The following NAALADL2 variants were observed in gnomAD, a reference collection of about 807,000 sequenced individuals.
NAALADL2 encodes the protein inactive N-acetylated-alpha-linked acidic dipeptidase-like protein 2.
In NAALADL2, 76 loss-of-function variants were observed where a neutral mutation model predicts 87.2. The ratio of observed to expected loss-of-function variants is 0.87; its 90% CI spans 0.72 to 1.05. The LOEUF (loss-of-function observed/expected upper bound fraction) is 1.05. Among genes scored for constraint, NAALADL2 ranks in the 50% least tolerant of loss-of-function variants. The pLI is 0.00. For synonymous variants in NAALADL2, 354 were observed against 331.0 expected, an observed-to-expected ratio of 1.07 and a Z score of -0.75; for missense variants, 1,089 against 945.8, an observed-to-expected ratio of 1.15 and a Z score of -1.99.
chr3:175,132,768 G>T (rs868488005), intron 2 of NAALADL2, among the ~76,000 whole-genome samples: 5 of 150,460 alleles, frequency 3.3e-5, no homozygotes. Flanking sequence ...CGGACAGGGC[G>T]GCTCTCCTGG....
At chr3:175,770,628 T>TA (rs1749367033) in intron 13 of NAALADL2, among the ~76,000 whole-genome samples, 1 of 152,208 alleles carries the variant, frequency 6.6e-6, no homozygotes, top group African/African-American at 2.4e-5. Context: ...CTGGAAGGGA[T>TA]AGCCTTCAAA....
chr3:175,301,219 A>G (rs558130067), intron 4 of NAALADL2, among the ~76,000 whole-genome samples: 1 of 151,992 alleles, frequency 6.6e-6, no homozygotes, highest in Admixed American at 6.6e-5. Flanking sequence ...AGTGCTATAA[A>G]TCTCCCTCTG....
At chr3:174,852,720 A>T (rs1271362412) in intron 3 of NAALADL2, among the ~76,000 whole-genome samples, 2 of 152,136 alleles carry the variant, frequency 1.3e-5, no homozygotes, top group Non-Finnish European at 2.9e-5. Context: ...CAATCCTAAA[A>T]TTTATGTAGA....
chr3:175,777,717 C>G (rs1477723911), intron 13 of NAALADL2, among the ~76,000 whole-genome samples: 3 of 152,106 alleles, frequency 2.0e-5, no homozygotes, highest in Non-Finnish European at 4.4e-5. Context: ...GTTGGCAAAA[C>G]ATGAGTTGTT....
At chr3:175,072,693 T>TGGGGGGG (rs1266144070) in intron 1 of NAALADL2, among the ~76,000 whole-genome samples, 1 of 76,786 alleles carries the variant, frequency 1.3e-5, no homozygotes, top group African/African-American at 5.4e-5. Context: ...AAAAACGGGG[T>TGGGGGGG]GGGGGGAGGG....
At chr3:175,287,019 G>T (rs909373015) in intron 4 of NAALADL2, among the ~76,000 whole-genome samples, 2 of 152,018 alleles carry the variant, frequency 1.3e-5, no homozygotes, top group Non-Finnish European at 2.9e-5. Flanking sequence ...TGGAGTAGGA[G>T]GATCCCTTGA....
rs1458599872 is a variant in NAALADL2, at chr3:175,423,051, A to ATATATATATTTT, written c.1091-24177_1091-24176insATATATATTTTT. Among the ~76,000 whole-genome samples, 296 of 91,458 alleles carry ATATATATATTTT rather than the reference A, an allele frequency of 3.2e-3. 2 individuals are homozygous for ATATATATATTTT. The highest frequency in any genetic ancestry group is 4.9e-3 in the Non-Finnish European group (244 of 49,586). The allele number at this position is 91,458 out of a possible 152,430, so 60.0% of individuals were successfully genotyped here. A position where few individuals can be genotyped will look rare whatever the true frequency, so the allele number is the denominator to read the frequency against. On this transcript the variant is annotated intron_variant, in intron 5 of 13. Coordinates refer to ENST00000454872, the MANE Select transcript of NAALADL2 (RefSeq NM_207015.3). ...AAAATATATATATATATATATATAT[A>ATATATATATTTT]TTTTTTTTTTTTCCTGAGTTGTAGA...
intron 11 of NAALADL2, among the ~76,000 whole-genome samples, chr3:175,651,865 A>G (rs888333189): frequency 6.6e-5 from 10 of 152,258 alleles, no homozygotes; most frequent in Non-Finnish European, 1.3e-4. Context: ...CCATTTAAAA[A>G]TGCCTTGTAC....
intron 4 of NAALADL2, among the ~76,000 whole-genome samples, chr3:175,301,636 T>C (rs1004354023): frequency 6.0e-4 from 92 of 152,162 alleles, no homozygotes; most frequent in African/African-American, 2.2e-3. Context: ...AAATAATTAC[T>C]GAAATACAGA....
chr3:175,320,790 A>T (rs1037157756), intron 4 of NAALADL2, among the ~76,000 whole-genome samples: 1 of 152,038 alleles, frequency 6.6e-6, no homozygotes, highest in Non-Finnish European at 1.5e-5. Flanking sequence ...AACCAGGAAG[A>T]AGTTGAATCT....
intron 9 of NAALADL2, among the ~76,000 whole-genome samples, chr3:175,475,295 A>G (rs1359957264): frequency 1.3e-5 from 2 of 152,140 alleles, no homozygotes; most frequent in African/African-American, 4.8e-5. Context: ...GTGAAACACA[A>G]ATGCCTTCAT....
intron 2 of NAALADL2, among the ~76,000 whole-genome samples, chr3:175,175,508 G>T (rs16824453): frequency 6.6e-6 from 1 of 151,788 alleles, no homozygotes; most frequent in Non-Finnish European, 1.5e-5. Flanking sequence ...AAAATTTCCT[G>T]TTGTCCGTGT....
chr3:175,005,183 T>C (rs1649640918), intron 1 of NAALADL2, among the ~76,000 whole-genome samples: 1 of 152,068 alleles, frequency 6.6e-6, no homozygotes, highest in Admixed American at 6.6e-5. Flanking sequence ...TTCAGAAAAA[T>C]CCTATGGGAT....
chr3:175,404,602 A>T (rs1450403625), intron 5 of NAALADL2, among the ~76,000 whole-genome samples: 1 of 152,156 alleles, frequency 6.6e-6, no homozygotes, highest in African/African-American at 2.4e-5. Flanking sequence ...CAATAACTAG[A>T]TTTAAATTCT....
intron 6 of NAALADL2, among the ~76,000 whole-genome samples, chr3:175,448,298 A>T (rs1287337022): frequency 6.6e-6 from 1 of 152,226 alleles, no homozygotes; most frequent in Admixed American, 6.5e-5. Flanking sequence ...GGAGTGCAGA[A>T]GCACTCGAGG....
chr3:174,800,830 G>A (rs1172179883), intron 3 of NAALADL2, among the ~76,000 whole-genome samples: 3 of 152,210 alleles, frequency 2.0e-5, no homozygotes, highest in Admixed American at 2.0e-4. Flanking sequence ...TGACCTGGAT[G>A]AGAGACATGG....
intron 13 of NAALADL2, among the ~76,000 whole-genome samples, chr3:175,759,790 C>A (rs1429293563): frequency 6.6e-6 from 1 of 151,932 alleles, no homozygotes; most frequent in Non-Finnish European, 1.5e-5. Context: ...GTGGTGTGCT[C>A]GAGAGTGAAG....
intron 9 of NAALADL2, among the ~76,000 whole-genome samples, chr3:175,514,551 G>C (rs922572413): frequency 3.9e-5 from 6 of 152,034 alleles, no homozygotes; most frequent in African/African-American, 1.2e-4. Context: ...TTGTGATCTC[G>C]CTCCTTTACC....
In NAALADL2 at chr3:175,364,503, G is replaced by A. The variant is rs779309472; in HGVS notation, c.1090+40178G>A. ...GGAGTGATATTACCAGTTATCCGCT[G>A]TTTTTTAAATTCTTGTTTAAATTAC... On this transcript the variant is annotated intron_variant, in intron 5 of 13. Transcript: ENST00000454872. Among the ~76,000 whole-genome samples the A allele has an allele frequency of 4.9e-4, 72 of 147,672 alleles. 7 individuals are homozygous for A. The highest frequency in any genetic ancestry group is 8.3e-4 in the Non-Finnish European group (55 of 66,356).
Sources: gnomAD v4.1 joint callset for allele counts (sites outside exome capture counted in the v4.1 genomes callset) on GRCh38, gnomAD v4.1.1 for gene constraint, MANE v1.5 for transcripts, NCBI Gene and HGNC (gene_info 2026-07-23, HGNC 2026-07-21) for gene names.